The following TIMP2 variants were observed in gnomAD, a reference collection of about 807,000 sequenced individuals.
TIMP2 encodes the protein TIMP metallopeptidase inhibitor 2, also known as metalloproteinase inhibitor 2.
TIMP2 carries 5 observed loss-of-function variants against 24.3 expected under a neutral mutation model. The ratio of observed to expected loss-of-function variants is 0.21; its 90% CI spans 0.11 to 0.43. The LOEUF (loss-of-function observed/expected upper bound fraction) is 0.43. Ranked by LOEUF, TIMP2 falls within the 20% of genes least tolerant of loss-of-function variation. The pLI is 1.00. For synonymous variants in TIMP2, 130 were observed against 123.2 expected (o/e 1.06, Z -0.37); for missense variants, 221 against 297.5 (o/e 0.74, Z 1.89).
chr17:78,912,826 C>CTGTATAACA (rs1312234489), intron 1 of TIMP2, among the ~76,000 whole-genome samples: 7 of 152,178 alleles, frequency 4.6e-5, no homozygotes, highest in Admixed American at 3.3e-4. Flanking sequence ...AGTCCTTGAT[C>CTGTATAACA]ACCGCCATTC....
At chr17:78,881,845 T>C (rs182495939) in intron 1 of TIMP2, among the ~76,000 whole-genome samples, 267 of 152,376 alleles carry the variant, frequency 1.8e-3, no homozygotes, top group African/African-American at 6.2e-3. Flanking sequence ...ACACAGTTAG[T>C]AACGCCCTTG....
At chr17:78,901,372 A>T (rs57570156) in intron 1 of TIMP2, 15,945 of 230,072 alleles carry the variant, frequency 0.069, 648 homozygotes, top group Middle Eastern at 0.11. Context: ...AAGGAGATGC[A>T]CGGGCTGAAG....
chr17:78,870,781 G>A, intron 3 of TIMP2, 117 bp downstream of exon 3: 2 of 778,050 alleles, frequency 2.6e-6, no homozygotes, highest in East Asian at 2.7e-5. Flanking sequence ...CTGCCTCACT[G>A]TTCCTCAGCT....
chr17:78,857,776 A>G (rs2069536598), intron 3 of TIMP2, 130 bp from the exon 4 acceptor site: 1 of 1,285,544 alleles, frequency 7.8e-7, no homozygotes, highest in Admixed American at 2.4e-5. Flanking sequence ...TCTGAGTTAA[A>G]ACACAGTGGG....
intron 3 of TIMP2, among the ~76,000 whole-genome samples, chr17:78,859,613 A>G (rs2069552723): frequency 6.6e-6 from 1 of 152,004 alleles, no homozygotes; most frequent in Non-Finnish European, 1.5e-5. Flanking sequence ...CAGTGAGCCG[A>G]GATTGCAAAC....
intron 1 of TIMP2, among the ~76,000 whole-genome samples, chr17:78,900,766 TA>T (rs1016315397): frequency 2.0e-5 from 3 of 151,922 alleles, no homozygotes; most frequent in Non-Finnish European, 4.4e-5. Context: ...TCTTACAAGA[TA>T]AAAAAAGGTA....
chr17:78,866,762 C>A (rs969323976), intron 3 of TIMP2, among the ~76,000 whole-genome samples: 1 of 152,014 alleles, frequency 6.6e-6, no homozygotes. Flanking sequence ...CTTGGAAACA[C>A]GAAAGAAGCC....
chr17:78,914,962 T>C (rs376341743), intron 1 of TIMP2, among the ~76,000 whole-genome samples: 5 of 149,564 alleles, frequency 3.3e-5, no homozygotes, highest in East Asian at 2.0e-4. Flanking sequence ...AGTGGCACGA[T>C]CTCGGCTCAC....
At chr17:78,887,335 C>T (rs2069833557) in intron 1 of TIMP2, among the ~76,000 whole-genome samples, 1 of 152,172 alleles carries the variant, frequency 6.6e-6, no homozygotes, top group Admixed American at 6.5e-5. Flanking sequence ...ATGTGTGTGG[C>T]TCACTGCTCA....
At chr17:78,897,133 A>T in intron 1 of TIMP2, 1 of 292,194 alleles carries the variant, frequency 3.4e-6, no homozygotes, top group Non-Finnish European at 5.1e-6. Flanking sequence ...CCCCCTCCGA[A>T]GGAGACTCCA....
intron 1 of TIMP2, among the ~76,000 whole-genome samples, chr17:78,887,998 C>A (rs1223974660): frequency 1.3e-5 from 2 of 152,002 alleles, no homozygotes; most frequent in Non-Finnish European, 2.9e-5. Context: ...AGTAACCGTG[C>A]CGAGGCCAAA....
In TIMP2 at chr17:78,891,847, CG is replaced by C; in HGVS notation, c.131-17929del. 6.4e-7 allele frequency: 1 copy of C among 1,550,692 alleles called. No homozygotes were observed. Among genetic ancestry groups the C allele is most frequent in the Non-Finnish European group, 8.7e-7 (1 of 1,147,008 alleles). On this transcript the variant is annotated intron_variant, in intron 1 of 4. Coordinates refer to ENST00000262768, the MANE Select transcript of TIMP2 (RefSeq NM_003255.5). This position sits in a 1 kb window ranked among gnomAD's most constrained non-coding sequence, Gnocchi z 4.5. ...CTGGCCTTCCCTTTCTCTTCTCAGG[CG>C]GGGCCAGGTGAGAATTCATCCGACC...
chr17:78,887,199 C>T (rs553131290), intron 1 of TIMP2, among the ~76,000 whole-genome samples: 6 of 152,188 alleles, frequency 3.9e-5, no homozygotes, highest in African/African-American at 7.2e-5. Context: ...CAGGGAAGTC[C>T]GGCTTGAGTT....
intron 3 of TIMP2, 55 bp from the exon 4 acceptor site, chr17:78,857,701 C>A: frequency 6.2e-7 from 1 of 1,609,314 alleles, no homozygotes; most frequent in African/African-American, 1.3e-5. Context: ...CCTCCTCCTG[C>A]CCAGCTCCTC....
At chr17:78,893,530 T>A (rs1242479573) in intron 1 of TIMP2, among the ~76,000 whole-genome samples, 34 of 126,828 alleles carry the variant, frequency 2.7e-4, no homozygotes, top group Admixed American at 2.4e-3. Flanking sequence ...CACATCTGTT[T>A]ATGTTTCTGT....
At chr17:78,890,696 T>C in intron 1 of TIMP2, 1 of 1,550,634 alleles carries the variant, frequency 6.4e-7, no homozygotes, top group Non-Finnish European at 8.7e-7. Flanking sequence ...AAACTGCTTG[T>C]GCAACCTGTT....
At chr17:78,868,842 G>A (rs1198094073) in intron 3 of TIMP2, among the ~76,000 whole-genome samples, 2 of 152,160 alleles carry the variant, frequency 1.3e-5, no homozygotes, top group African/African-American at 2.4e-5. Flanking sequence ...TGAGCCCAGT[G>A]GTTCTCAAGC....
chr17:78,859,403 T>TA (rs1335792015), intron 3 of TIMP2, among the ~76,000 whole-genome samples: 2 of 152,220 alleles, frequency 1.3e-5, no homozygotes, highest in Admixed American at 6.5e-5. Flanking sequence ...CTCATGCCTG[T>TA]AATCCTAGCA....
At position 78,920,212 on chromosome 17, in the gene TIMP2, G is replaced by A. The variant is rs867287111; in HGVS notation, c.130+4747C>T. The stretch of plus-strand genomic sequence containing the variant: ...CCTGTTCTCCATGTGCTCAGATGTC[G>A]CCACAGAGTCTGAACCTCTCAGCCC... On this transcript the variant is annotated intron_variant, in intron 1 of 4. Coordinates refer to ENST00000262768, the MANE Select transcript of TIMP2 (RefSeq NM_003255.5). This position sits in a 1 kb window ranked among gnomAD's most constrained non-coding sequence, Gnocchi z 4.5. 5.9e-5 allele frequency among the ~76,000 whole-genome samples: 9 copies of A among 152,122 alleles called. No individual in the cohort carries two copies. The highest frequency in any genetic ancestry group is 1.7e-4 in the African/African-American group (7 of 41,416).
Sources: allele counts gnomAD v4.1 joint callset (sites outside exome capture counted in the v4.1 genomes callset), GRCh38; gene constraint gnomAD v4.1.1; non-coding constraint Gnocchi (gnomAD v3.1); transcripts MANE v1.5; gene names NCBI Gene and HGNC (gene_info 2026-07-23, HGNC 2026-07-21).